Variants in EVA1C observed in about 807,000 individuals in gnomAD.
EVA1C encodes protein eva-1 homolog C.
EVA1C carries 25 observed loss-of-function variants against 45.4 expected under a neutral mutation model. The observed-to-expected ratio is 0.55, with a 90% CI of 0.40 to 0.77. The LOEUF (loss-of-function observed/expected upper bound fraction) is 0.77. Ranked by LOEUF, EVA1C falls within the 30% of genes least tolerant of loss-of-function variation. The pLI is 0.00. For synonymous variants in EVA1C, 190 were observed against 221.2 expected, an observed-to-expected ratio of 0.86 and a Z score of 1.25; for missense variants, 479 against 554.8, an observed-to-expected ratio of 0.86 and a Z score of 1.37.
chr21:32,507,905 C>G (rs2037818084), intron 7 of EVA1C, among the ~76,000 whole-genome samples: 1 of 150,298 alleles, frequency 6.7e-6, no homozygotes, highest in Non-Finnish European at 1.5e-5. Flanking sequence ...ATGTGTGTAT[C>G]TGTGTGTGTG....
intron 4 of EVA1C, among the ~76,000 whole-genome samples, chr21:32,473,253 CCT>C (rs552736640): frequency 1.4e-3 from 208 of 152,340 alleles, no homozygotes; most frequent in African/African-American, 4.8e-3. Context: ...TCCAACAACA[CCT>C]GTGTGTGTTC....
At chr21:32,485,773 A>G (rs2036952984) in intron 4 of EVA1C, among the ~76,000 whole-genome samples, 1 of 152,200 alleles carries the variant, frequency 6.6e-6, no homozygotes, top group South Asian at 2.1e-4. Flanking sequence ...GGCACACACT[A>G]CCACCAAACA....
intron 1 of EVA1C, chr21:32,453,068 C>A: frequency 2.3e-6 from 1 of 429,868 alleles, no homozygotes. Flanking sequence ...AGGGACCCCA[C>A]CCTTCTCTAC....
At chr21:32,489,263 T>G (rs1430112975) in intron 4 of EVA1C, among the ~76,000 whole-genome samples, 1 of 152,248 alleles carries the variant, frequency 6.6e-6, no homozygotes, top group Non-Finnish European at 1.5e-5. Context: ...GTGTTGATTT[T>G]TGCATATGGT....
intron 1 of EVA1C, among the ~76,000 whole-genome samples, chr21:32,419,040 A>G (rs1012059429): frequency 1.3e-5 from 2 of 152,260 alleles, no homozygotes; most frequent in African/African-American, 2.4e-5. Context: ...TGTAATTTAT[A>G]AATAAGTGTG....
At chr21:32,466,026 T>C (rs983496161) in intron 3 of EVA1C, among the ~76,000 whole-genome samples, 1 of 152,228 alleles carries the variant, frequency 6.6e-6, no homozygotes, top group Non-Finnish European at 1.5e-5. Flanking sequence ...CTCATCTACA[T>C]TCTGCCTCTA....
chr21:32,502,052 C>CT (rs1555875257), intron 6 of EVA1C, among the ~76,000 whole-genome samples: 6 of 98,168 alleles, frequency 6.1e-5, no homozygotes, highest in African/African-American at 1.7e-4. Flanking sequence ...TTCTTTCTTT[C>CT]TTCTTTCTTT....
chr21:32,419,753 A>C (rs930928145), intron 1 of EVA1C, among the ~76,000 whole-genome samples: 2 of 151,976 alleles, frequency 1.3e-5, no homozygotes, highest in Admixed American at 1.3e-4. Flanking sequence ...ACAAACAAAC[A>C]AAAAAACATA....
Position 32,457,365 on chromosome 21 carries a change from T to C in EVA1C, c.358-232T>C, listed in dbSNP as rs141690785. 2.7e-3 allele frequency among the ~76,000 whole-genome samples: 408 copies of C among 152,300 alleles called. 3 individuals are homozygous for C. Among genetic ancestry groups the C allele is most frequent in the African/African-American group, 9.4e-3 (390 of 41,566 alleles). ...CGCACCAGTAGTGGTGGATCAGAGG[T>C]TAGTTTTCCCAGGAGCCTGGCACTA... On this transcript the variant is annotated intron_variant, in intron 2 of 7. Coordinates refer to ENST00000300255, the MANE Select transcript of EVA1C (RefSeq NM_058187.5).
intron 1 of EVA1C, chr21:32,428,362 AC>A (rs1374065295): frequency 6.6e-6 from 1 of 152,256 alleles, no homozygotes; most frequent in East Asian, 1.9e-4. Context: ...CATGGATTGC[AC>A]CAGGCTGGGT....
chr21:32,501,573 C>A (rs771236590), intron 6 of EVA1C, 78 bp downstream of exon 6: 7 of 1,558,394 alleles, frequency 4.5e-6, no homozygotes, highest in Non-Finnish European at 5.2e-6. Flanking sequence ...GTTGGGCACA[C>A]CTTGGTTAGA....
chr21:32,418,676 G>T (rs111878808), intron 1 of EVA1C, among the ~76,000 whole-genome samples: 1 of 152,162 alleles, frequency 6.6e-6, no homozygotes, highest in African/African-American at 2.4e-5. Flanking sequence ...TCCAGCACCA[G>T]GGCTGGCCAG....
intron 1 of EVA1C, among the ~76,000 whole-genome samples, chr21:32,443,905 G>C (rs1462738239): frequency 5.3e-5 from 8 of 152,100 alleles, no homozygotes; most frequent in African/African-American, 1.9e-4. Flanking sequence ...GCACAGCTGT[G>C]ACTTCATACC....
At chr21:32,513,551 C>CTTTTTTTTTTTTTT (rs1165725714) in intron 7 of EVA1C, among the ~76,000 whole-genome samples, 4 of 106,778 alleles carry the variant, frequency 3.7e-5, no homozygotes, top group African/African-American at 7.9e-5. Flanking sequence ...TTTTTCTTTT[C>CTTTTTTTTTTTTTT]TTTTTTTTTT....
At chr21:32,443,056 C>T (rs2035239352) in intron 1 of EVA1C, among the ~76,000 whole-genome samples, 1 of 151,192 alleles carries the variant, frequency 6.6e-6, no homozygotes, top group Non-Finnish European at 1.5e-5. Context: ...GGAGGGTTCC[C>T]TTTTCCTCCA....
intron 4 of EVA1C, among the ~76,000 whole-genome samples, chr21:32,491,677 C>G (rs562101286): frequency 1.0e-4 from 10 of 95,834 alleles, no homozygotes; most frequent in Non-Finnish European, 1.9e-4. Context: ...GAGCGAGACT[C>G]TGTCAAAAAA....
At chr21:32,469,976 T>C (rs2036310484) in intron 4 of EVA1C, among the ~76,000 whole-genome samples, 1 of 152,172 alleles carries the variant, frequency 6.6e-6, no homozygotes, top group East Asian at 1.9e-4. Flanking sequence ...ACATGTGAAA[T>C]TAACCATCAC....
At chr21:32,469,799 G>A (rs904219703) in intron 4 of EVA1C, among the ~76,000 whole-genome samples, 5 of 152,160 alleles carry the variant, frequency 3.3e-5, no homozygotes, top group African/African-American at 1.2e-4. Context: ...CTCGGTCTTC[G>A]CTTCTAAGGC....
At chr21:32,468,910 G>A (rs146893011) in intron 4 of EVA1C, among the ~76,000 whole-genome samples, 5 of 152,270 alleles carry the variant, frequency 3.3e-5, no homozygotes, top group Admixed American at 1.3e-4. Context: ...TACACAGGGC[G>A]CCGTCTGAGT....
Sources: allele counts gnomAD v4.1 joint callset (sites outside exome capture counted in the v4.1 genomes callset), GRCh38; gene constraint gnomAD v4.1.1; transcripts MANE v1.5; gene names NCBI Gene and HGNC (gene_info 2026-07-23, HGNC 2026-07-21).